Variants in PIEZO1 observed in about 807,000 individuals in gnomAD.
PIEZO1 encodes the protein piezo-type mechanosensitive ion channel component 1.
A neutral mutation model predicts 297.2 loss-of-function variants in PIEZO1; 296 were observed. That is an observed-to-expected ratio of 1.00 (90% CI 0.91 to 1.10). The LOEUF is 1.10. Among genes scored for constraint, PIEZO1 ranks in the 50% least tolerant of loss-of-function variants. The pLI is 0.00. For synonymous variants in PIEZO1, 2,427 were observed against 1,507.5 expected, an observed-to-expected ratio of 1.61 and a Z score of -14.13; for missense variants, 5,018 against 3,455.5, an observed-to-expected ratio of 1.45 and a Z score of -11.34.
chr16:88,722,156 C>T, intron 36 of PIEZO1, 62 bp downstream of exon 36: 2 of 1,523,162 alleles, frequency 1.3e-6, no homozygotes, highest in Non-Finnish European at 1.8e-6. Context: ...AGTCTCCTGC[C>T]CCTGTTCGGC....
In PIEZO1 at chr16:88,732,256, C is replaced by G. The variant is rs905213538; in HGVS notation, c.2991+79G>C. 48 of 1,281,216 alleles carry G rather than the reference C, an allele frequency of 3.7e-5. No homozygotes were observed. In the East Asian group the frequency reaches 4.6e-4, roughly 12 times the overall value. The allele number at this position is 1,281,216 out of a possible 1,614,324, so 79.4% of individuals were successfully genotyped here. A position where few individuals can be genotyped will look rare whatever the true frequency, so the allele number is the denominator to read the frequency against. On this transcript the variant is annotated intron_variant, in intron 21 of 50. Coordinates refer to ENST00000301015, the MANE Select transcript of PIEZO1 (RefSeq NM_001142864.4). The stretch of plus-strand genomic sequence containing the variant: ...GCAAACCCAGGTGGGGCCAGGCTTG[C>G]GGTGCCTGCACGGTGCAGCCGTCCC...
chr16:88,730,529 C>T (rs913193335), intron 22 of PIEZO1, among the ~76,000 whole-genome samples: 9 of 132,748 alleles, frequency 6.8e-5, no homozygotes, highest in East Asian at 2.5e-4. Flanking sequence ...ACCCGGGAGG[C>T]GGAGGCTGCA....
At position 88,725,948 on chromosome 16, in the gene PIEZO1, C is replaced by G. The variant is rs897129265; in HGVS notation, c.3969-264G>C. On this transcript the variant is annotated intron_variant, in intron 27 of 50. Transcript: ENST00000301015. ...GCAGGGAAGAAGGCAAAGCTGGCCC[C>G]AAGCCAGAACCCCTCCCTGGGGCAG... The G allele has an allele frequency of 3.9e-5, 22 of 568,542 alleles. No individual in the cohort carries two copies. The East Asian group carries it at 6.2e-4, about 16-fold the overall frequency. 35.2% of individuals were successfully genotyped at this position (568,542 alleles called of 1,614,324 possible).
intron 10 of PIEZO1, 157 bp from the exon 11 acceptor site, chr16:88,736,896 G>T (rs1314863505): frequency 1.9e-6 from 1 of 527,818 alleles, no homozygotes; most frequent in Non-Finnish European, 3.4e-6. Context: ...CAATTGGGCT[G>T]ACACCGTCCC....
intron 1 of PIEZO1, among the ~76,000 whole-genome samples, chr16:88,750,698 G>C (rs10468311): frequency 0.034 from 5,141 of 152,342 alleles, 197 homozygotes; most frequent in African/African-American, 0.089. Context: ...TGTGAGGTTT[G>C]TCAGGAGATG....
In PIEZO1 at chr16:88,716,896, C is replaced by G. The variant is rs1433138609; in HGVS notation, c.6663G>C (p.Pro2221=). 1 of 1,549,630 alleles carries G rather than the reference C, an allele frequency of 6.5e-7. No individual in the cohort carries two copies. Among genetic ancestry groups the G allele is most frequent in the East Asian group, 2.4e-5 (1 of 40,918 alleles). ...GCTGCTGGGCGCTCATGGTGAACAGCGGCTGGGGCAGGCACGGGGACACGG... is the reference window on the plus strand; with the variant it reads ...GCTGCTGGGCGCTCATGGTGAACAGGGGCTGGGGCAGGCACGGGGACACGG... The part of the protein sequence containing the change: ...TVTLKLGGYE[P]LFTMSAQQPS... The change falls in exon 46 of 51, where the codon CCG becomes CCC. Residue 2221 remains proline (P), a splice_region_variant and synonymous_variant. Coordinates refer to ENST00000301015, the MANE Select transcript of PIEZO1 (RefSeq NM_001142864.4).
chr16:88,734,139 C>A (rs1191251081), intron 16 of PIEZO1, 85 bp from the exon 17 acceptor site: 3 of 942,326 alleles, frequency 3.2e-6, no homozygotes, highest in South Asian at 2.0e-5. Flanking sequence ...GTCGGCACCG[C>A]TTCTGCTGCA....
chr16:88,726,062 C>G, intron 27 of PIEZO1: 1 of 582,868 alleles, frequency 1.7e-6, no homozygotes, highest in Non-Finnish European at 3.0e-6. Context: ...CAGCCACCGT[C>G]AGCACTGCAG....
At chr16:88,756,842 C>T (rs566907450) in intron 1 of PIEZO1, among the ~76,000 whole-genome samples, 5 of 151,954 alleles carry the variant, frequency 3.3e-5, no homozygotes, top group Non-Finnish European at 5.9e-5. Context: ...TTTGGGAGGC[C>T]GAGGCGGGCA....
chr16:88,738,825 G>A, intron 5 of PIEZO1, 89 bp from the exon 6 acceptor site: 1 of 1,217,906 alleles, frequency 8.2e-7, no homozygotes, highest in South Asian at 1.5e-5. Flanking sequence ...GAGCGTGGGA[G>A]GCGGCCACAT....
chr16:88,762,295 GGT>G (rs1906969110), intron 1 of PIEZO1, among the ~76,000 whole-genome samples: 1 of 152,078 alleles, frequency 6.6e-6, no homozygotes, highest in Non-Finnish European at 1.5e-5. Context: ...TCAGAGGGGC[GGT>G]GACAAAGTAA....
At chr16:88,721,023 C>G in intron 39 of PIEZO1, 143 bp downstream of exon 39, 1 of 890,806 alleles carries the variant, frequency 1.1e-6, no homozygotes, top group East Asian at 2.7e-5. Flanking sequence ...GAGCCGGGAG[C>G]TGTGGCTCAG....
intron 1 of PIEZO1, among the ~76,000 whole-genome samples, chr16:88,764,016 G>C (rs567637574): frequency 6.6e-6 from 1 of 152,134 alleles, no homozygotes; most frequent in Admixed American, 6.6e-5. Flanking sequence ...CCTCCTGGGG[G>C]CCAAAGTGCA....
At chr16:88,722,469 T>G in intron 35 of PIEZO1, 72 bp from the exon 36 acceptor site, 1 of 1,445,914 alleles carries the variant, frequency 6.9e-7, no homozygotes, top group Non-Finnish European at 9.2e-7. Context: ...AGGGTCAGGG[T>G]GGAAAGTGCC....
At chr16:88,731,961 G>GGTGTGGGGATGCACTGAGTCT (rs1555555069) in intron 21 of PIEZO1, 51 bp from the exon 22 acceptor site, 1 of 285,530 alleles carries the variant, frequency 3.5e-6, no homozygotes, top group Non-Finnish European at 6.8e-6. Flanking sequence ...CTGGGGGGAG[G>GGTGTGGGGATGCACTGAGTCT]GACTTTCTTG....
Position 88,735,249 on chromosome 16 carries a change from G to T in PIEZO1, c.1558-3C>A, listed in dbSNP as rs929222966. 4 of 1,545,778 alleles carry T rather than the reference G, an allele frequency of 2.6e-6. No individual in the cohort carries two copies. The South Asian group carries it at 4.8e-5, about 18-fold the overall frequency. Reference sequence around the variant, plus strand: ...CAGAAGGTCAGGGTGTAGAGCAACTGTGACAAGCGCAGGGTGTCACAGTCA... The same window carrying T: ...CAGAAGGTCAGGGTGTAGAGCAACTTTGACAAGCGCAGGGTGTCACAGTCA... On this transcript the variant is annotated splice_polypyrimidine_tract_variant and splice_region_variant and intron_variant, in intron 12 of 50. Transcript: ENST00000301015.
rs568566636 is a variant in PIEZO1, at chr16:88,734,604, C to T, written c.1997+46G>A. ...GAGCCGCTGCAGCCCCGGGGAAGTG[C>T]ACGGGGTTTCGGCGCCCCTGCCCCA... On this transcript the variant is annotated intron_variant, in intron 15 of 50. Transcript: ENST00000301015. The T allele has an allele frequency of 2.6e-6, 4 of 1,548,988 alleles. No individual in the cohort carries two copies. The African/African-American group carries it at 5.5e-5, about 21-fold the overall frequency.
intron 2 of PIEZO1, among the ~76,000 whole-genome samples, chr16:88,746,397 G>A (rs900712210): frequency 1.3e-5 from 2 of 152,166 alleles, no homozygotes; most frequent in African/African-American, 2.4e-5. Context: ...GTCTCTGGGA[G>A]CCACCCCCTG....
In PIEZO1 at chr16:88,737,628, G is replaced by C. The variant is rs1474972037; in HGVS notation, c.1126C>G (p.Pro376Ala). ...ATGCAGTTATCAGCCTCGGTGTCGG[G>C]TGCTGTGGGCACCACGTGCTGTGGG... is the stretch of plus-strand genomic sequence containing the variant. ...ESDQHVVPTAPDTEADNCIVH... is the reference protein window; with the variant it reads ...ESDQHVVPTAADTEADNCIVH... The change falls in exon 10 of 51, where the codon CCC (proline) becomes GCC (alanine). Residue 376 changes from proline (P) to alanine (A), a missense_variant. Physicochemically the swap from Pro to Ala is conservative, Grantham distance 27 (BLOSUM62 -1). Transcript: ENST00000301015. The C allele has an allele frequency of 5.2e-6, 8 of 1,534,984 alleles. No individual in the cohort carries two copies. In the South Asian group the frequency reaches 5.9e-5, roughly 11 times the overall value.
Sources: gnomAD v4.1 joint callset for allele counts (sites outside exome capture counted in the v4.1 genomes callset) on GRCh38, gnomAD v4.1.1 for gene constraint, MANE v1.5 for transcripts, NCBI Gene and HGNC (gene_info 2026-07-23, HGNC 2026-07-21) for gene names.